ZSCAN5B: variants seen among roughly 807,000 people sequenced by gnomAD.
ZSCAN5B encodes the protein zinc finger and SCAN domain-containing protein 5B.
In ZSCAN5B, 26 loss-of-function variants were observed where a neutral mutation model predicts 25.2. The ratio of observed to expected loss-of-function variants is 1.03; its 90% CI spans 0.76 to 1.43. The LOEUF (loss-of-function observed/expected upper bound fraction) is 1.43, where lower values mean the gene tolerates loss of function less well. Among genes scored for constraint, ZSCAN5B ranks in the 40% most tolerant of loss-of-function variants. ZSCAN5B has a pLI of 0.00. For missense variants in ZSCAN5B, 745 were observed against 622.1 expected (o/e 1.20, Z -2.10); for synonymous variants, 244 against 240.9 (o/e 1.01, Z -0.12).
chr19:56,196,769 T>C lies in ZSCAN5B; in HGVS notation c.-128+965A>G, dbSNP rs149416939. On this transcript the variant is annotated intron_variant, in intron 1 of 4. Transcript: ENST00000586855. Reference sequence around the variant, plus strand: ...CACATCCAGCGGCCATCTCGTTTTGTTTATTTATTAAGTAAATCGATACAT... The same window carrying C: ...CACATCCAGCGGCCATCTCGTTTTGCTTATTTATTAAGTAAATCGATACAT... 1.4e-4 allele frequency among the ~76,000 whole-genome samples: 22 copies of C among 152,280 alleles called. No homozygotes were observed. In the East Asian group the frequency reaches 3.5e-3, roughly 24 times the overall value.
intron 1 of ZSCAN5B, among the ~76,000 whole-genome samples, chr19:56,193,550 AT>A (rs2032768465): frequency 6.6e-6 from 1 of 152,268 alleles, no homozygotes; most frequent in East Asian, 1.9e-4. Flanking sequence ...GCCCTTAGTC[AT>A]AATTATGTAA....
exon 5 of ZSCAN5B, chr19:56,189,971 G>T (rs756211054): frequency 6.2e-7 from 1 of 1,613,888 alleles, no homozygotes; most frequent in Non-Finnish European, 8.5e-7. Context: ...CCTTGTGGCT[G>T]AAAACTTTGC....
At chr19:56,190,486 C>G in exon 5 of ZSCAN5B, 1 of 1,614,026 alleles carries the variant, frequency 6.2e-7, no homozygotes, top group South Asian at 1.1e-5. Context: ...GCTTCTCTCT[C>G]CACAACGCAG....
rs12462899 is a variant in ZSCAN5B at position 56,193,728 on chromosome 19, C to T, written c.-127-549G>A. 8.2e-3 allele frequency among the ~76,000 whole-genome samples: 1,248 copies of T among 152,170 alleles called. 32 individuals carry two copies. Among genetic ancestry groups the T allele is most frequent in the Admixed American group, 0.054 (827 of 15,282 alleles). The stretch of plus-strand genomic sequence containing the variant: ...CTGTAATCCCAGCACTTTGGGAGGC[C>T]GAGGCGGGTGGATCACGAGGTCAGG... On this transcript the variant is annotated intron_variant, in intron 1 of 4. Coordinates refer to ENST00000586855, the Ensembl canonical transcript of ZSCAN5B.
In ZSCAN5B at chr19:56,192,062, A is replaced by T; in HGVS notation, c.385-9T>A. The T allele has an allele frequency of 6.2e-7, 1 of 1,606,418 alleles. No individual in the cohort carries two copies. On this transcript the variant is annotated splice_polypyrimidine_tract_variant and intron_variant, in intron 2 of 4. Coordinates refer to ENST00000586855, the Ensembl canonical transcript of ZSCAN5B. Reference sequence around the variant, plus strand: ...AGCAAGTTGACTATAGACTGTAGAGAGAAAAAAGACAATCAGACACTATGA... The same window carrying T: ...AGCAAGTTGACTATAGACTGTAGAGTGAAAAAAGACAATCAGACACTATGA...
exon 4 of ZSCAN5B, chr19:56,190,984 C>G (rs187117582): frequency 1.9e-6 from 3 of 1,614,026 alleles, no homozygotes; most frequent in Admixed American, 1.7e-5. Context: ...AGAAAGTCCT[C>G]TCCCTGAAGA....
At position 56,191,903 on chromosome 19, in the gene ZSCAN5B, C is replaced by T. The variant is rs762546328; in HGVS notation, c.535G>A (p.Ala179Thr). ...GGCAGGATCTGCTGCTCTCGGCGGG[C>T]CTGGCCTGTCCCCGGATGCATCTGG... is the stretch of plus-strand genomic sequence containing the variant. The change falls in exon 3 of 5, where the codon GCC becomes ACC. Residue 179 changes from alanine (A) to threonine (T), a missense_variant. By Grantham distance (58) the Ala-to-Thr change is moderately conservative. Transcript: ENST00000586855. The T allele has an allele frequency of 6.2e-7, 1 of 1,613,948 alleles. No homozygotes were observed. Among genetic ancestry groups the T allele is most frequent in the Admixed American group, 1.7e-5 (1 of 60,004 alleles).
chr19:56,190,448 A>C, exon 5 of ZSCAN5B: 1 of 1,614,042 alleles, frequency 6.2e-7, no homozygotes, highest in Non-Finnish European at 8.5e-7. Context: ...GATTCAGAGC[A>C]TCTCCTCTGT....
exon 2 of ZSCAN5B, chr19:56,192,782 G>C (rs1182562053): frequency 5.0e-6 from 8 of 1,611,226 alleles, no homozygotes; most frequent in Non-Finnish European, 6.8e-6. Flanking sequence ...ATCATGAACT[G>C]CTCCATCACC....
In ZSCAN5B at chr19:56,191,944, C is replaced by A. The variant is rs920668228; in HGVS notation, c.494G>T (p.Trp165Leu). Residue 165 changes from tryptophan (W) to leucine (L), a missense_variant, in exon 3 of 5, where the codon TGG becomes TTG. Transcript: ENST00000586855. The stretch of plus-strand genomic sequence containing the variant: ...ATGCATCTGGTTCACAGAGGAGGCC[C>A]ACTGGCTGGACACGTCTCTCGGATC... 2.5e-6 allele frequency: 4 copies of A among 1,614,054 alleles called. No individual in the cohort carries two copies. In the Admixed American group the frequency reaches 6.7e-5, roughly 27 times the overall value.
intron 1 of ZSCAN5B, among the ~76,000 whole-genome samples, chr19:56,195,011 G>T (rs559148229): frequency 6.6e-6 from 1 of 152,136 alleles, no homozygotes; most frequent in Non-Finnish European, 1.5e-5. Context: ...ACAGCTATGA[G>T]AACACAGCCC....
chr19:56,190,924 T>A lies in ZSCAN5B; in HGVS notation c.652A>T (p.Lys218Ter). 1 of 1,614,182 alleles carries A rather than the reference T, an allele frequency of 6.2e-7. No individual in the cohort carries two copies. Among genetic ancestry groups the A allele is most frequent in the Non-Finnish European group, 8.5e-7 (1 of 1,180,038 alleles). The change falls in exon 4 of 5, where the codon AAG (lysine) becomes TAG (stop). Residue 218 changes from lysine to a stop codon, truncating the protein, a stop_gained. Coordinates refer to ENST00000586855, the Ensembl canonical transcript of ZSCAN5B. LOFTEE classifies it high-confidence loss of function. ...TTCAGATCCTTCTCCAAGGTCTGCT[T>A]GGGTCTCGGAGAGTTTGGGTCACCT... is the stretch of plus-strand genomic sequence containing the variant.
exon 5 of ZSCAN5B, chr19:56,190,536 C>G (rs1388499021): frequency 6.2e-7 from 1 of 1,613,370 alleles, no homozygotes; most frequent in East Asian, 2.2e-5. Context: ...CACAGAGGCT[C>G]TTTTCTGGGG....
chr19:56,189,765 C>A, exon 5 of ZSCAN5B: 1 of 1,535,428 alleles, frequency 6.5e-7, no homozygotes, highest in Admixed American at 2.0e-5. Context: ...CATCTGGTAA[C>A]ATTGGAGAAA....
chr19:56,195,068 G>A (rs1372289064), intron 1 of ZSCAN5B, among the ~76,000 whole-genome samples: 1 of 152,174 alleles, frequency 6.6e-6, no homozygotes, highest in East Asian at 1.9e-4. Flanking sequence ...GGTCTGCAGA[G>A]GGGAGAAAAA....
At chr19:56,190,869 G>A in exon 4 of ZSCAN5B, 10 of 1,614,168 alleles carry the variant, frequency 6.2e-6, no homozygotes, top group Non-Finnish European at 8.5e-6. Context: ...CTCTGGGGAT[G>A]ACAGTCCTGG....
chr19:56,190,917 G>T lies in ZSCAN5B; in HGVS notation c.659C>A (p.Thr220Asn), dbSNP rs182542443. 532 of 1,614,142 alleles carry T rather than the reference G, an allele frequency of 3.3e-4. 1 individual carries two copies. The African/African-American group carries it at 6.5e-3, about 20-fold the overall frequency. ...GTTTTCCTTCAGATCCTTCTCCAAG[G>T]TCTGCTTGGGTCTCGGAGAGTTTGG... The change falls in exon 4 of 5, where the codon ACC (threonine) becomes AAC (asparagine). Residue 220 changes from threonine to asparagine, a missense_variant. Thr to Asn is a moderately conservative substitution (Grantham distance 65). Coordinates refer to ENST00000586855, the Ensembl canonical transcript of ZSCAN5B.
At chr19:56,194,673 A>G (rs1322269045) in intron 1 of ZSCAN5B, among the ~76,000 whole-genome samples, 2 of 152,136 alleles carry the variant, frequency 1.3e-5, no homozygotes, top group African/African-American at 2.4e-5. Context: ...GCTGGAGTGC[A>G]GTGGTGCAAT....
chr19:56,193,232 C>T, intron 1 of ZSCAN5B, 53 bp from the exon 2 acceptor site: 1 of 699,656 alleles, frequency 1.4e-6, no homozygotes, highest in Non-Finnish European at 2.2e-6. Context: ...TCCACACACC[C>T]CTCCCTTCCA....
Sources: gnomAD v4.1 joint callset for allele counts (sites outside exome capture counted in the v4.1 genomes callset) on GRCh38, gnomAD v4.1.1 for gene constraint, MANE v1.5 for transcripts, NCBI Gene and HGNC (gene_info 2026-07-23, HGNC 2026-07-21) for gene names.